Variants in PTPRB observed in about 807,000 individuals in gnomAD.
PTPRB encodes the protein receptor-type tyrosine-protein phosphatase beta.
In PTPRB, 97 loss-of-function variants were observed where a neutral mutation model predicts 238.1. The observed-to-expected ratio is 0.41, with a 90% CI of 0.35 to 0.48. The LOEUF (loss-of-function observed/expected upper bound fraction) is 0.48. Ranked by LOEUF, PTPRB falls within the 20% of genes least tolerant of loss-of-function variation. The pLI, the probability that PTPRB is intolerant of heterozygous loss-of-function variation, is 0.30. For synonymous variants in PTPRB, 970 were observed against 995.4 expected (o/e 0.97, Z 0.48); for missense variants, 2,292 against 2,681.9 (o/e 0.85, Z 3.21).
chr12:70,633,671 A>G (rs1304601259), intron 2 of PTPRB, among the ~76,000 whole-genome samples: 1 of 152,066 alleles, frequency 6.6e-6, no homozygotes, highest in Non-Finnish European at 1.5e-5. Context: ...ATTATCAGGC[A>G]TTTTTTGAAT....
chr12:70,610,056 C>A lies in PTPRB; in HGVS notation c.709-717G>T, dbSNP rs538067367. ...GACAGGCAGCGCGCCGCCCTTCCCACGCTGCCATTCTGACCCGCGCTGCCT... is the reference window on the plus strand; with the variant it reads ...GACAGGCAGCGCGCCGCCCTTCCCAAGCTGCCATTCTGACCCGCGCTGCCT... On this transcript the variant is annotated intron_variant, in intron 3 of 33. Coordinates refer to ENST00000334414, the MANE Select transcript of PTPRB (RefSeq NM_001109754.4). Among the ~76,000 whole-genome samples, 542 of 152,218 alleles carry A rather than the reference C, an allele frequency of 3.6e-3. 4 individuals are homozygous for A. The highest frequency in any genetic ancestry group is 0.012 in the African/African-American group (493 of 41,574).
At position 70,534,603 on chromosome 12, in the gene PTPRB, C is replaced by T; in HGVS notation, c.6253G>A (p.Val2085Met). Reference protein sequence around the residue: ...HRLIRHFHYTVWPDHGVPETT... With the variant: ...HRLIRHFHYTMWPDHGVPETT... ...TCTGGGACTCCATGGTCTGGCCACA[C>T]CGTATAGTGAAAGTGGCGGATGAGT... Residue 2085 changes from valine to methionine, a missense_variant, in exon 31 of 34, where the codon GTG (valine) becomes ATG (methionine). Val to Met is a conservative substitution (Grantham distance 21, BLOSUM62 1). This residue lies in a region of PTPRB where 397 missense variants were observed against 502.0 expected (regional missense o/e 0.79). Transcript: ENST00000334414. 1.2e-6 allele frequency: 2 copies of T among 1,613,026 alleles called. No homozygotes were observed. Among genetic ancestry groups the T allele is most frequent in the Non-Finnish European group, 1.7e-6 (2 of 1,179,572 alleles).
At chr12:70,574,146 A>AG (rs1880430058) in intron 11 of PTPRB, among the ~76,000 whole-genome samples, 1 of 152,262 alleles carries the variant, frequency 6.6e-6, no homozygotes. Flanking sequence ...TATTTGGTAT[A>AG]TATTAGGGGT....
chr12:70,552,497 A>T (rs972432310), intron 21 of PTPRB, among the ~76,000 whole-genome samples: 47 of 149,142 alleles, frequency 3.2e-4, no homozygotes, highest in African/African-American at 1.1e-3. Context: ...AAAAAAAAAA[A>T]AAATAATGAA....
At chr12:70,527,718 G>GTATC (rs1872622418) in intron 32 of PTPRB, 1 of 152,130 alleles carries the variant, frequency 6.6e-6, no homozygotes, top group Non-Finnish European at 1.5e-5. Context: ...GCATCCCTTT[G>GTATC]TATCTCAAAT....
At chr12:70,628,260 T>C (rs1413349077) in intron 2 of PTPRB, among the ~76,000 whole-genome samples, 1 of 152,232 alleles carries the variant, frequency 6.6e-6, no homozygotes, top group Non-Finnish European at 1.5e-5. Flanking sequence ...AATAAATGAA[T>C]AAATGCTGAT....
rs771374393 is a variant in PTPRB, at chr12:70,590,110, A to G, written c.1904T>C (p.Val635Ala). 1.2e-6 allele frequency: 2 copies of G among 1,613,962 alleles called. No individual in the cohort carries two copies. Among genetic ancestry groups the G allele is most frequent in the Admixed American group, 3.3e-5 (2 of 60,018 alleles). ...TCCCACAGTGATGTTGAGCAGCACC[A>G]CAGAATCATTGAAGAGTAGGATCCG... ...QYRILLFNDS[V>A]VLLNITVGKE... Residue 635 changes from valine to alanine, a missense_variant, in exon 8 of 34, where the codon GTG (valine) becomes GCG (alanine). Val to Ala is a moderately conservative substitution (Grantham distance 64). Transcript: ENST00000334414.
At chr12:70,564,843 AAATAAT>A (rs138995596) in intron 15 of PTPRB, among the ~76,000 whole-genome samples, 8,282 of 96,250 alleles carry the variant, frequency 0.086, 290 homozygotes, top group South Asian at 0.13. Context: ...CAAAAATAAT[AAATAAT>A]AATAATAATA....
chr12:70,622,545 T>C lies in PTPRB; in HGVS notation c.553A>G (p.Ile185Val). 2.5e-6 allele frequency: 4 copies of C among 1,609,534 alleles called. No individual in the cohort carries two copies. Among genetic ancestry groups the C allele is most frequent in the Non-Finnish European group, 3.4e-6 (4 of 1,177,588 alleles). The change falls in exon 3 of 34, where the codon ATT becomes GTT. Residue 185 changes from isoleucine to valine, a missense_variant. Physicochemically the swap from Ile to Val is conservative, Grantham distance 29. Coordinates refer to ENST00000334414, the MANE Select transcript of PTPRB (RefSeq NM_001109754.4). ...NAVPDGLVFL[I>V]RNTTEAFIRN... The stretch of plus-strand genomic sequence containing the variant: ...ATGAAGGCCTCTGTGGTATTCCTAA[T>C]AAGGAATACCAGGCCATCTGGAACT...
At chr12:70,545,952 C>T (rs1325864756) in intron 21 of PTPRB, among the ~76,000 whole-genome samples, 3 of 152,104 alleles carry the variant, frequency 2.0e-5, no homozygotes, top group African/African-American at 7.2e-5. Flanking sequence ...GCCTGGCCAA[C>T]GTGGCAAAAC....
At chr12:70,564,023 G>A (rs928308429) in intron 15 of PTPRB, among the ~76,000 whole-genome samples, 1 of 151,994 alleles carries the variant, frequency 6.6e-6, no homozygotes, top group African/African-American at 2.4e-5. Context: ...ACTCATCCTC[G>A]CTCACTCTGT....
intron 1 of PTPRB, among the ~76,000 whole-genome samples, chr12:70,636,960 A>G (rs938650283): frequency 6.6e-6 from 1 of 152,160 alleles, no homozygotes; most frequent in Non-Finnish European, 1.5e-5. Flanking sequence ...CCCTTTAATC[A>G]TATTCCTTCA....
chr12:70,560,523 G>A lies in PTPRB; in HGVS notation c.4432+148C>T. 1 of 997,288 alleles carries A rather than the reference G, an allele frequency of 1.0e-6. No individual in the cohort carries two copies. The highest frequency in any genetic ancestry group is 1.4e-6 in the Non-Finnish European group (1 of 692,332). 61.8% of individuals were successfully genotyped at this position (997,288 alleles called of 1,614,324 possible). A position where few individuals can be genotyped will look rare whatever the true frequency, so the allele number is the denominator to read the frequency against. ...TGGACCAAAGCCTTGTCCTTTATCT[G>A]TTGTCCCACAGTCCCTTCCCAAATT... On this transcript the variant is annotated intron_variant, in intron 17 of 33. Transcript: ENST00000334414. This position sits in a 1 kb window ranked among gnomAD's most constrained non-coding sequence, Gnocchi z 4.2.
intron 2 of PTPRB, among the ~76,000 whole-genome samples, chr12:70,635,349 T>A (rs1000855864): frequency 4.6e-5 from 7 of 152,206 alleles, no homozygotes; most frequent in Non-Finnish European, 1.0e-4. Context: ...CCTACATCCA[T>A]ATTCCTACAT....
intron 32 of PTPRB, among the ~76,000 whole-genome samples, chr12:70,531,542 C>T (rs1183378042): frequency 6.6e-6 from 1 of 152,118 alleles, no homozygotes; most frequent in Non-Finnish European, 1.5e-5. Flanking sequence ...GGGCTTTGTG[C>T]AAAGCCCTTA....
chr12:70,583,538 G>A (rs1443547783), intron 9 of PTPRB, among the ~76,000 whole-genome samples: 1 of 152,082 alleles, frequency 6.6e-6, no homozygotes, highest in African/African-American at 2.4e-5. Context: ...ACTCATAGCT[G>A]ACCTTGCATA....
intron 2 of PTPRB, among the ~76,000 whole-genome samples, chr12:70,630,876 G>C (rs2136606060): frequency 6.6e-6 from 1 of 152,296 alleles, no homozygotes; most frequent in South Asian, 2.1e-4. Flanking sequence ...TACAAGGGAT[G>C]TGAAGGACCT....
intron 8 of PTPRB, among the ~76,000 whole-genome samples, chr12:70,588,043 C>T (rs1158406602): frequency 7.0e-6 from 1 of 142,702 alleles, no homozygotes; most frequent in East Asian, 2.1e-4. Context: ...TTGCAGTGAG[C>T]TGAGATGGTG....
chr12:70,580,813 C>T (rs1327319528), intron 10 of PTPRB, among the ~76,000 whole-genome samples: 5 of 148,328 alleles, frequency 3.4e-5, no homozygotes, highest in Admixed American at 6.7e-5. Context: ...AGCGAAATTC[C>T]GTCTCAAAAA....
Sources: gnomAD v4.1 joint callset for allele counts (sites outside exome capture counted in the v4.1 genomes callset) on GRCh38, gnomAD v4.1.1 for gene constraint, gnomAD v4.1.1 regional missense constraint, Gnocchi (gnomAD v3.1) non-coding constraint, MANE v1.5 for transcripts, NCBI Gene and HGNC (gene_info 2026-07-23, HGNC 2026-07-21) for gene names.